Variants in THBD observed in about 807,000 individuals in gnomAD.
The protein encoded by THBD is thrombomodulin, also known as CD141 antigen.
For missense variants in THBD, 850 were observed against 816.9 expected (o/e 1.04, Z -0.49); for synonymous variants, 449 against 374.2 (o/e 1.20, Z -2.31).
rs777008219 is a variant in THBD, at chr20:23,049,469, C to T, written c.36G>A (p.Leu12=). The change falls in exon 1 of 1, where the codon CTG becomes CTA. Residue 12 remains leucine (L), a synonymous_variant. Transcript: ENST00000377103. ...CGGGTGCGGGGAACCCCAGGCCGGC[C>T]AGGGCCAGCGCGCCAAGGACCAGGA... ...LGVLVLGALA[L]AGLGFPAPAE... 133 of 1,546,068 alleles carry T rather than the reference C, an allele frequency of 8.6e-5. No individual in the cohort carries two copies. The African/African-American group carries it at 1.7e-3, about 20-fold the overall frequency.
chr20:23,048,924 C>G lies in THBD; in HGVS notation c.581G>C (p.Gly194Ala). ...AAAAAVSITY[G>A]TPFAARGADF... ...CGCTCCGCGGGCCGCGAACGGGGTGCCGTAGGTGATCGAGACGGCGGCAGC... is the reference window on the plus strand; with the variant it reads ...CGCTCCGCGGGCCGCGAACGGGGTGGCGTAGGTGATCGAGACGGCGGCAGC... Residue 194 changes from glycine to alanine, a missense_variant, in exon 1 of 1, where the codon GGC becomes GCC. By Grantham distance (60) the Gly-to-Ala change is moderately conservative (BLOSUM62 0). Transcript: ENST00000377103. 6.5e-7 allele frequency: 1 copy of G among 1,535,710 alleles called. No homozygotes were observed. Among genetic ancestry groups the G allele is most frequent in the Non-Finnish European group, 8.7e-7 (1 of 1,144,402 alleles).
chr20:23,049,111 G>A lies in THBD; in HGVS notation c.394C>T (p.Leu132Phe), dbSNP rs1303256396. Residue 132 changes from leucine (L) to phenylalanine (F), a missense_variant, in exon 1 of 1, where the codon CTC becomes TTC. Leu to Phe is a conservative substitution (Grantham distance 22). Transcript: ENST00000377103. ...ACAGCGACGCACAACGGGCCGCAGA[G>A]GGGAGCCCCATTGAGGTCGAGCCGT... Reference protein sequence around the residue: ...WARLDLNGAPLCGPLCVAVSA... With the variant: ...WARLDLNGAPFCGPLCVAVSA... The A allele has an allele frequency of 8.8e-6, 14 of 1,592,596 alleles. No homozygotes were observed. In the East Asian group the frequency reaches 2.7e-4, roughly 31 times the overall value.
rs1984622931 is a variant in THBD at position 23,048,027 on chromosome 20, C to T, written c.1478G>A (p.Gly493Asp). The part of the protein sequence containing the change: ...GKVDGGDSGS[G>D]EPPPSPTPGS... ...GGGCGTCGGGCTGGGCGGGGGCTCGCCAGAGCCGCTGTCGCCACCGTCCAC... is the reference window on the plus strand; with the variant it reads ...GGGCGTCGGGCTGGGCGGGGGCTCGTCAGAGCCGCTGTCGCCACCGTCCAC... Residue 493 changes from glycine (G) to aspartate (D), a missense_variant, in exon 1 of 1, where the codon GGC becomes GAC. Transcript: ENST00000377103. 1 of 1,610,512 alleles carries T rather than the reference C, an allele frequency of 6.2e-7. No homozygotes were observed. Among genetic ancestry groups the T allele is most frequent in the Non-Finnish European group, 8.5e-7 (1 of 1,178,668 alleles).
Position 23,047,825 on chromosome 20 carries a change from C to T in THBD, c.1680G>A (p.Glu560=), listed in dbSNP as rs1427663852. The T allele has an allele frequency of 5.0e-6, 8 of 1,599,484 alleles. No homozygotes were observed. The highest frequency in any genetic ancestry group is 4.5e-5 in the South Asian group (4 of 88,682). The change falls in exon 1 of 1, where the codon GAG becomes GAA. Residue 560 remains glutamate, a synonymous_variant. Coordinates refer to ENST00000377103, the MANE Select transcript of THBD (RefSeq NM_000361.3). Reference sequence around the variant, plus strand: ...CGGTCCGCACGTGCTGCAGCACTACCTCCTTGGAAGGGGCCGCGCACTTGT... The same window carrying T: ...CGGTCCGCACGTGCTGCAGCACTACTTCCTTGGAAGGGGCCGCGCACTTGT... The part of the protein sequence containing the change: ...MEYKCAAPSK[E]VVLQHVRTER...
chr20:23,047,950 T>C lies in THBD; in HGVS notation c.1555A>G (p.Ile519Val). 1 of 1,609,832 alleles carries C rather than the reference T, an allele frequency of 6.2e-7. No individual in the cohort carries two copies. Among genetic ancestry groups the C allele is most frequent in the Non-Finnish European group, 8.5e-7 (1 of 1,178,514 alleles). The change falls in exon 1 of 1, where the codon ATA (isoleucine) becomes GTA (valine). Residue 519 changes from isoleucine to valine, a missense_variant. Physicochemically the swap from Ile to Val is conservative, Grantham distance 29. Coordinates refer to ENST00000377103, the MANE Select transcript of THBD (RefSeq NM_000361.3). ...AVGLVHSGLL[I>V]GISIASLCLV... The stretch of plus-strand genomic sequence containing the variant: ...CACAGGCTCGCGATGGAGATGCCTA[T>C]GAGCAAGCCCGAATGCACGAGCCCC...
In THBD at chr20:23,046,756, G is replaced by A. The variant is rs1410332146; in HGVS notation, c.*1021C>T. ...TGAAGCTTTCTTGAACTGTCTCCTG[G>A]GAGGTGTTTGTCTCTTCTCTCAATC... On this transcript the variant is annotated 3_prime_UTR_variant, in exon 1 of 1. Coordinates refer to ENST00000377103, the MANE Select transcript of THBD (RefSeq NM_000361.3). 6.6e-6 allele frequency: 1 copy of A among 152,190 alleles called. No individual in the cohort carries two copies. The highest frequency in any genetic ancestry group is 1.9e-4 in the East Asian group (1 of 5,200). 9.4% of individuals were successfully genotyped at this position (152,190 alleles called of 1,614,324 possible).
chr20:23,047,819 C>T lies in THBD; in HGVS notation c.1686G>A (p.Val562=), dbSNP rs1256188613. 1.3e-6 allele frequency: 2 copies of T among 1,598,798 alleles called. No homozygotes were observed. The highest frequency in any genetic ancestry group is 1.3e-5 in the African/African-American group (1 of 74,720). The stretch of plus-strand genomic sequence containing the variant: ...TCCGCTCGGTCCGCACGTGCTGCAG[C>T]ACTACCTCCTTGGAAGGGGCCGCGC... ...YKCAAPSKEV[V]LQHVRTERTP... Residue 562 remains valine, a synonymous_variant, in exon 1 of 1, where the codon GTG becomes GTA. Coordinates refer to ENST00000377103, the MANE Select transcript of THBD (RefSeq NM_000361.3).
Position 23,047,478 on chromosome 20 carries a change from ATAAC to A in THBD, c.*295_*298del. The A allele has an allele frequency of 2.0e-6, 1 of 490,082 alleles. No individual in the cohort carries two copies. The highest frequency in any genetic ancestry group is 3.6e-6 in the Non-Finnish European group (1 of 277,022). The allele number at this position is 490,082 out of a possible 1,614,324, so 30.4% of individuals were successfully genotyped here. A position where few individuals can be genotyped will look rare whatever the true frequency, so the allele number is the denominator to read the frequency against. On this transcript the variant is annotated 3_prime_UTR_variant, in exon 1 of 1. Coordinates refer to ENST00000377103, the MANE Select transcript of THBD (RefSeq NM_000361.3). ...GGTCTGCCCAGAAGGCTGCCGACCAATAACGCTCACCCTCCTGCGCCCGGTAGTG... is the reference window on the plus strand; with the variant it reads ...GGTCTGCCCAGAAGGCTGCCGACCAAGCTCACCCTCCTGCGCCCGGTAGTG...
rs746519488 is a variant in THBD, at chr20:23,048,569, G to T, written c.936C>A (p.Thr312=). Residue 312 remains threonine, a synonymous_variant, in exon 1 of 1, where the codon ACC becomes ACA. Coordinates refer to ENST00000377103, the MANE Select transcript of THBD (RefSeq NM_000361.3). Reference sequence around the variant, plus strand: ...GTTGGTCGGCCGCCAGCCGGTAGCCGGTCTCGCACATGCACGAGTAGGAGC... The same window carrying T: ...GTTGGTCGGCCGCCAGCCGGTAGCCTGTCTCGCACATGCACGAGTAGGAGC... ...QPGSYSCMCE[T]GYRLAADQHR... is the part of the protein sequence containing the mutation. The T allele has an allele frequency of 6.2e-7, 1 of 1,600,486 alleles. No individual in the cohort carries two copies. The highest frequency in any genetic ancestry group is 2.2e-5 in the East Asian group (1 of 44,850).
chr20:23,048,017 C>G lies in THBD; in HGVS notation c.1488G>C (p.Pro496=). 1 of 1,609,416 alleles carries G rather than the reference C, an allele frequency of 6.2e-7. No individual in the cohort carries two copies. Among genetic ancestry groups the G allele is most frequent in the Non-Finnish European group, 8.5e-7 (1 of 1,178,138 alleles). The change falls in exon 1 of 1, where the codon CCG becomes CCC. Residue 496 remains proline (P), a synonymous_variant. Transcript: ENST00000377103. The part of the protein sequence containing the change: ...DGGDSGSGEP[P]PSPTPGSTLT... ...AGGTGGAGCCGGGCGTCGGGCTGGGCGGGGGCTCGCCAGAGCCGCTGTCGC... is the reference window on the plus strand; with the variant it reads ...AGGTGGAGCCGGGCGTCGGGCTGGGGGGGGGCTCGCCAGAGCCGCTGTCGC...
Position 23,047,827 on chromosome 20 carries a change from C to A in THBD, c.1678G>T (p.Glu560Ter). ...GTCCGCACGTGCTGCAGCACTACCTCCTTGGAAGGGGCCGCGCACTTGTAC... is the reference window on the plus strand; with the variant it reads ...GTCCGCACGTGCTGCAGCACTACCTACTTGGAAGGGGCCGCGCACTTGTAC... ...MEYKCAAPSK[E>*]VVLQHVRTER... is the part of the protein sequence containing the mutation. The change falls in exon 1 of 1, where the codon GAG becomes TAG. Residue 560 changes from glutamate to a stop codon, truncating the protein, a stop_gained. Coordinates refer to ENST00000377103, the MANE Select transcript of THBD (RefSeq NM_000361.3). LOFTEE classifies it high-confidence loss of function. 1 of 1,599,594 alleles carries A rather than the reference C, an allele frequency of 6.3e-7. No individual in the cohort carries two copies. Among genetic ancestry groups the A allele is most frequent in the East Asian group, 2.3e-5 (1 of 44,182 alleles).
Position 23,048,921 on chromosome 20 carries a change from G to C in THBD, c.584C>G (p.Thr195Ser). 6.5e-7 allele frequency: 1 copy of C among 1,531,824 alleles called. No individual in the cohort carries two copies. The highest frequency in any genetic ancestry group is 8.8e-7 in the Non-Finnish European group (1 of 1,142,176). 94.9% of individuals were successfully genotyped at this position (1,531,824 alleles called of 1,614,324 possible). Residue 195 changes from threonine to serine, a missense_variant, in exon 1 of 1, where the codon ACC becomes AGC. Physicochemically the swap from Thr to Ser is moderately conservative, Grantham distance 58. Coordinates refer to ENST00000377103, the MANE Select transcript of THBD (RefSeq NM_000361.3). ...GTCCGCTCCGCGGGCCGCGAACGGG[G>C]TGCCGTAGGTGATCGAGACGGCGGC... The part of the protein sequence containing the change: ...AAAAVSITYG[T>S]PFAARGADFQ...
In THBD at chr20:23,047,800, C is replaced by G. The variant is rs865948837; in HGVS notation, c.1705G>C (p.Glu569Gln). The change falls in exon 1 of 1, where the codon GAG (glutamate) becomes CAG (glutamine). Residue 569 changes from glutamate to glutamine, a missense_variant. Transcript: ENST00000377103. ...GCTCAGAGTCTCTGCGGCGTCCGCT[C>G]GGTCCGCACGTGCTGCAGCACTACC... ...KEVVLQHVRT[E>Q]RTPQRL 4 of 1,593,010 alleles carry G rather than the reference C, an allele frequency of 2.5e-6. No homozygotes were observed. Among genetic ancestry groups the G allele is most frequent in the Non-Finnish European group, 3.4e-6 (4 of 1,170,612 alleles).
chr20:23,048,448 G>C lies in THBD; in HGVS notation c.1057C>G (p.Pro353Ala), dbSNP rs1300304839. 2 of 1,613,552 alleles carry C rather than the reference G, an allele frequency of 1.2e-6. No homozygotes were observed. Among genetic ancestry groups the C allele is most frequent in the African/African-American group, 2.7e-5 (2 of 74,938 alleles). The change falls in exon 1 of 1, where the codon CCT becomes GCT. Residue 353 changes from proline (P) to alanine (A), a missense_variant. Physicochemically the swap from Pro to Ala is conservative, Grantham distance 27. Coordinates refer to ENST00000377103, the MANE Select transcript of THBD (RefSeq NM_000361.3). ...TCGCCGTCCACCAGGTCGTAGTTAG[G>C]GTAGCAGTGGCACTCGAAGCCACCC... ...TQGGFECHCYPNYDLVDGECV... is the reference protein window; with the variant it reads ...TQGGFECHCYANYDLVDGECV...
In THBD at chr20:23,047,540, G is replaced by A. The variant is rs1315427887; in HGVS notation, c.*237C>T. On this transcript the variant is annotated 3_prime_UTR_variant, in exon 1 of 1. Transcript: ENST00000377103. Reference sequence around the variant, plus strand: ...GGGACAAATCGCAGTCTGTGTCTTCGTTACAAAATTGCCATCATTGCCCAG... The same window carrying A: ...GGGACAAATCGCAGTCTGTGTCTTCATTACAAAATTGCCATCATTGCCCAG... 5.0e-6 allele frequency: 3 copies of A among 595,824 alleles called. No individual in the cohort carries two copies. Among genetic ancestry groups the A allele is most frequent in the Non-Finnish European group, 8.8e-6 (3 of 339,514 alleles). 36.9% of individuals were successfully genotyped at this position (595,824 alleles called of 1,614,324 possible). A position where few individuals can be genotyped will look rare whatever the true frequency, so the allele number is the denominator to read the frequency against.
Position 23,049,001 on chromosome 20 carries a change from C to T in THBD, c.504G>A (p.Glu168=). Residue 168 remains glutamate (E), a synonymous_variant, in exon 1 of 1, where the codon GAG becomes GAA. Transcript: ENST00000377103. ...CEVKADGFLC[E]FHFPATCRPL... is the part of the protein sequence containing the mutation. ...GCCTGCAGGTGGCTGGGAAGTGGAA[C>T]TCGCAGAGGAAGCCATCGGCCTTCA... 5.1e-6 allele frequency: 8 copies of T among 1,570,684 alleles called. No individual in the cohort carries two copies. Among genetic ancestry groups the T allele is most frequent in the Non-Finnish European group, 6.9e-6 (8 of 1,158,956 alleles).
At position 23,049,517 on chromosome 20, in the gene THBD, C is replaced by T. The variant is rs1388478693; in HGVS notation, c.-13G>A. 6.5e-7 allele frequency: 1 copy of T among 1,530,330 alleles called. No homozygotes were observed. The highest frequency in any genetic ancestry group is 1.2e-5 in the South Asian group (1 of 82,816). 94.8% of individuals were successfully genotyped at this position (1,530,330 alleles called of 1,614,324 possible). On this transcript the variant is annotated 5_prime_UTR_variant, in exon 1 of 1. Coordinates refer to ENST00000377103, the MANE Select transcript of THBD (RefSeq NM_000361.3). ...GGACCCCAAGCATGTTACCCAGGCG[C>T]GCCGCGTGCAGGCGCCGGGGAAAGC...
chr20:23,049,226 T>C lies in THBD; in HGVS notation c.279A>G (p.Pro93=), dbSNP rs780588744. The part of the protein sequence containing the change: ...RRRLWIGLQL[P]PGCGDPKRLG... The stretch of plus-strand genomic sequence containing the variant: ...GGCGCTTGGGGTCGCCGCAGCCGGG[T>C]GGCAGCTGCAGGCCGATCCAGAGGC... Residue 93 remains proline, a synonymous_variant, in exon 1 of 1, where the codon CCA becomes CCG. Transcript: ENST00000377103. 5.1e-6 allele frequency: 7 copies of C among 1,370,330 alleles called. No individual in the cohort carries two copies. Among genetic ancestry groups the C allele is most frequent in the Non-Finnish European group, 5.8e-6 (6 of 1,034,240 alleles). 84.9% of individuals were successfully genotyped at this position (1,370,330 alleles called of 1,614,324 possible).
In THBD at chr20:23,049,317, C is replaced by A. The variant is rs1206305474; in HGVS notation, c.188G>T (p.Arg63Leu). The A allele has an allele frequency of 6.3e-7, 1 of 1,599,558 alleles. No homozygotes were observed. The highest frequency in any genetic ancestry group is 1.1e-5 in the South Asian group (1 of 88,840). ...DGLRGHLMTV[R>L]SSVAADVISL... ...AATGACATCGGCAGCCACCGAGGAG[C>A]GCACTGTCATTAGGTGGCCCCGCAG... The change falls in exon 1 of 1, where the codon CGC becomes CTC. Residue 63 changes from arginine (R) to leucine (L), a missense_variant. By Grantham distance (102) the Arg-to-Leu change is moderately radical (BLOSUM62 -2). Coordinates refer to ENST00000377103, the MANE Select transcript of THBD (RefSeq NM_000361.3).
Sources: gnomAD v4.1 joint callset for allele counts on GRCh38, gnomAD v4.1.1 for gene constraint, MANE v1.5 for transcripts, NCBI Gene and HGNC (gene_info 2026-07-23, HGNC 2026-07-21) for gene names.